The following NEK11 variants were observed in gnomAD, a reference collection of about 807,000 sequenced individuals.
NEK11 encodes serine/threonine-protein kinase Nek11.
NEK11 carries 72 observed loss-of-function variants against 80.7 expected under a neutral mutation model. The ratio of observed to expected loss-of-function variants is 0.89; its 90% CI spans 0.74 to 1.08. The LOEUF (loss-of-function observed/expected upper bound fraction) is 1.08, where lower values mean the gene tolerates loss of function less well. Ranked by LOEUF, NEK11 falls within the 50% of genes least tolerant of loss-of-function variation. The pLI, the probability that NEK11 is intolerant of heterozygous loss-of-function variation, is 0.00. For synonymous variants in NEK11, 251 were observed against 260.7 expected, an observed-to-expected ratio of 0.96 and a Z score of 0.36; for missense variants, 764 against 763.6, an observed-to-expected ratio of 1.00 and a Z score of -0.01.
chr3:131,038,630 C>T (rs915180306), intron 3 of NEK11, among the ~76,000 whole-genome samples: 4 of 152,072 alleles, frequency 2.6e-5, no homozygotes, highest in African/African-American at 4.8e-5. Context: ...AGGAAGAAGA[C>T]AACAGTTAGG....
chr3:131,326,178 A>G (rs2109887154), intron 17 of NEK11: 1 of 152,288 alleles, frequency 6.6e-6, no homozygotes, highest in African/African-American at 2.4e-5. Context: ...TCCTTATGTA[A>G]TGGGTACTGA....
intron 14 of NEK11, among the ~76,000 whole-genome samples, chr3:131,175,645 T>C (rs1016995601): frequency 2.0e-5 from 3 of 152,140 alleles, no homozygotes; most frequent in Non-Finnish European, 2.9e-5. Flanking sequence ...TTTTTTGTGA[T>C]AGAAAAGTTT....
intron 17 of NEK11, chr3:131,330,410 C>T (rs2110024073): frequency 6.6e-6 from 1 of 152,114 alleles, no homozygotes; most frequent in African/African-American, 2.4e-5. Flanking sequence ...ATTTGAGAAC[C>T]AACAGTTTAA....
chr3:131,098,536 A>G (rs2077832684), intron 4 of NEK11, among the ~76,000 whole-genome samples: 1 of 148,504 alleles, frequency 6.7e-6, no homozygotes. Context: ...GGCCACTTGT[A>G]TATCTTCTTT....
chr3:131,149,885 G>A (rs954979499), intron 7 of NEK11, among the ~76,000 whole-genome samples: 1 of 151,288 alleles, frequency 6.6e-6, no homozygotes, highest in Admixed American at 6.6e-5. Flanking sequence ...ACTTTCTTTG[G>A]TGTGATTTGC....
intron 14 of NEK11, among the ~76,000 whole-genome samples, chr3:131,202,024 G>A (rs1052050732): frequency 2.6e-5 from 4 of 151,796 alleles, no homozygotes; most frequent in African/African-American, 9.7e-5. Flanking sequence ...TAGTAGAGAC[G>A]GGGTTTCACC....
intron 17 of NEK11, among the ~76,000 whole-genome samples, chr3:131,331,769 C>T (rs1476975072): frequency 1.3e-5 from 2 of 152,196 alleles, no homozygotes; most frequent in Admixed American, 6.5e-5. Context: ...CCTAATACTG[C>T]GCTTTTCCGA....
intron 17 of NEK11, among the ~76,000 whole-genome samples, chr3:131,291,974 G>T (rs550817754): frequency 6.6e-6 from 1 of 152,180 alleles, no homozygotes; most frequent in Non-Finnish European, 1.5e-5. Context: ...TGCCTTTGTT[G>T]TATCTAAAAA....
intron 3 of NEK11, among the ~76,000 whole-genome samples, chr3:131,044,070 T>G (rs912341546): frequency 6.6e-6 from 1 of 151,362 alleles, no homozygotes; most frequent in Non-Finnish European, 1.5e-5. Context: ...ATACTGAGGA[T>G]TTTGCCTTAC....
At chr3:131,264,791 A>C (rs1164238293) in intron 16 of NEK11, among the ~76,000 whole-genome samples, 1 of 152,188 alleles carries the variant, frequency 6.6e-6, no homozygotes, top group Non-Finnish European at 1.5e-5. Context: ...TTGAATCTAT[A>C]AATTACCTTG....
chr3:131,279,332 G>A (rs1343439336), intron 17 of NEK11, among the ~76,000 whole-genome samples: 1 of 152,052 alleles, frequency 6.6e-6, no homozygotes, highest in Non-Finnish European at 1.5e-5. Flanking sequence ...TTGGCAACAA[G>A]AGCGAAACTC....
rs529669650 is a variant in NEK11 at position 131,109,682 on chromosome 3, T to C, written c.337-121T>C. On this transcript the variant is annotated intron_variant, in intron 4 of 17. Coordinates refer to ENST00000383366, the MANE Select transcript of NEK11 (RefSeq NM_024800.5). ...TGATTAAAGAGAGAATCTTTGTCAGTGATAATTACAGAATGGCACTTTCTT... is the reference window on the plus strand; with the variant it reads ...TGATTAAAGAGAGAATCTTTGTCAGCGATAATTACAGAATGGCACTTTCTT... 52 of 986,230 alleles carry C rather than the reference T, an allele frequency of 5.3e-5. No homozygotes were observed. The South Asian group carries it at 7.7e-4, about 15-fold the overall frequency. 61.1% of individuals were successfully genotyped at this position (986,230 alleles called of 1,614,324 possible).
chr3:131,273,974 A>ATTG (rs2096247371), intron 17 of NEK11, among the ~76,000 whole-genome samples: 1 of 151,362 alleles, frequency 6.6e-6, no homozygotes, highest in South Asian at 2.1e-4. Context: ...TATTATTATT[A>ATTG]TACTTTAAGT....
intron 7 of NEK11, among the ~76,000 whole-genome samples, chr3:131,139,541 G>A (rs1167984499): frequency 1.3e-5 from 2 of 152,010 alleles, no homozygotes; most frequent in Non-Finnish European, 2.9e-5. Flanking sequence ...AGTATAAGAA[G>A]GTTATAGAAG....
chr3:131,183,889 G>T (rs2150200448), intron 14 of NEK11, among the ~76,000 whole-genome samples: 2 of 152,214 alleles, frequency 1.3e-5, no homozygotes, highest in African/African-American at 2.4e-5. Context: ...GTACTAATTT[G>T]TATTCCCACC....
intron 7 of NEK11, among the ~76,000 whole-genome samples, chr3:131,135,283 C>T (rs181307893): frequency 1.3e-5 from 2 of 152,234 alleles, no homozygotes; most frequent in East Asian, 1.9e-4. Flanking sequence ...AAATTATTCA[C>T]GTGTTTTTTT....
At position 131,116,594 on chromosome 3, in the gene NEK11, A is replaced by C. The variant is rs537234190; in HGVS notation, c.455+6673A>C. Among the ~76,000 whole-genome samples the C allele has an allele frequency of 3.5e-3, 526 of 152,332 alleles. 1 individual carries two copies. Among genetic ancestry groups the C allele is most frequent in the African/African-American group, 0.012 (498 of 41,568 alleles). On this transcript the variant is annotated intron_variant, in intron 5 of 17. Transcript: ENST00000383366. ...TGAACTAGTTTACAATCCCACCAAC[A>C]GTGTAAAAGTGTTCCTATTTCTCCA...
intron 14 of NEK11, among the ~76,000 whole-genome samples, chr3:131,195,244 T>C (rs770008437): frequency 2.6e-5 from 4 of 152,134 alleles, no homozygotes; most frequent in Non-Finnish European, 5.9e-5. Flanking sequence ...GCCTGCTTGC[T>C]CTTCCCCACC....
intron 17 of NEK11, among the ~76,000 whole-genome samples, chr3:131,344,599 ATC>A (rs138215445): frequency 0.12 from 18,106 of 152,180 alleles, 1,517 homozygotes; most frequent in East Asian, 0.3. Context: ...ATAAAGAAAT[ATC>A]TGAGACTGGG....
Sources: gnomAD v4.1 joint callset for allele counts (sites outside exome capture counted in the v4.1 genomes callset) on GRCh38, gnomAD v4.1.1 for gene constraint, MANE v1.5 for transcripts, NCBI Gene and HGNC (gene_info 2026-07-23, HGNC 2026-07-21) for gene names.